NIBAN1: variants seen among roughly 807,000 people sequenced by gnomAD.
NIBAN1 encodes niban apoptosis regulator 1.
Under a neutral mutation model 75.1 loss-of-function variants are expected in NIBAN1, and 81 were observed. The observed-to-expected ratio is 1.08, with a 90% CI of 0.90 to 1.30. NIBAN1 has a LOEUF of 1.30. Among genes scored for constraint, NIBAN1 ranks in the 50% most tolerant of loss-of-function variants. The probability of loss-of-function intolerance (pLI) is 0.00; values close to 1 mark genes in which losing one functional copy is unlikely to be tolerated. For missense variants in NIBAN1, 1,133 were observed against 1,128.1 expected (o/e 1.00, Z -0.06); for synonymous variants, 436 against 424.8 (o/e 1.03, Z -0.32).
chr1:184,947,396 A>T lies in NIBAN1; in HGVS notation c.55+26906T>A, dbSNP rs187454221. Among the ~76,000 whole-genome samples, 250 of 152,290 alleles carry T rather than the reference A, an allele frequency of 1.6e-3. 1 individual carries two copies. The highest frequency in any genetic ancestry group is 3.7e-3 in the Admixed American group (57 of 15,304). ...GTTACCAGGGTCTGGGAGGAGAAGG[A>T]ATGGGGAGTTATTTAATGAGCACAA... On this transcript the variant is annotated intron_variant, in intron 1 of 13. Transcript: ENST00000367511.
At chr1:184,918,962 A>T (rs1017083253) in intron 1 of NIBAN1, among the ~76,000 whole-genome samples, 1 of 152,232 alleles carries the variant, frequency 6.6e-6, no homozygotes, top group African/African-American at 2.4e-5. Context: ...TTAATTTGCC[A>T]CACAAATGGA....
chr1:184,795,018 C>A lies in NIBAN1; in HGVS notation c.2746G>T (p.Gly916Cys). Residue 916 changes from glycine to cysteine, a missense_variant, in exon 14 of 14, where the codon GGT becomes TGT. By Grantham distance (159) the Gly-to-Cys change is radical. Coordinates refer to ENST00000367511, the MANE Select transcript of NIBAN1 (RefSeq NM_052966.4). ...AGCTCTGGGAAACTCTCCTGACCAC[C>A]TTCTCCCTCCTTCACGTCATCTTTG... ...SHKDDVKEGEGGQESFPELPS... is the reference protein window; with the variant it reads ...SHKDDVKEGECGQESFPELPS... 2 of 1,613,006 alleles carry A rather than the reference C, an allele frequency of 1.2e-6. No homozygotes were observed. The highest frequency in any genetic ancestry group is 1.7e-6 in the Non-Finnish European group (2 of 1,180,044).
intron 5 of NIBAN1, among the ~76,000 whole-genome samples, chr1:184,856,699 G>C (rs1023340972): frequency 1.3e-5 from 2 of 152,150 alleles, no homozygotes; most frequent in African/African-American, 4.8e-5. Flanking sequence ...AACAAGATTT[G>C]GTTCATGGGC....
At chr1:184,812,501 C>A (rs779054912) in intron 9 of NIBAN1, among the ~76,000 whole-genome samples, 14 of 152,206 alleles carry the variant, frequency 9.2e-5, no homozygotes, top group Non-Finnish European at 1.6e-4. Flanking sequence ...AGTCAGATTT[C>A]TGGCTTCTCT....
chr1:184,906,810 G>A (rs1453643685), intron 1 of NIBAN1, among the ~76,000 whole-genome samples: 1 of 152,094 alleles, frequency 6.6e-6, no homozygotes, highest in Non-Finnish European at 1.5e-5. Flanking sequence ...AAGGCTCTGG[G>A]TAAAACTTTT....
rs151253914 is a variant in NIBAN1, at chr1:184,795,104, C to T, written c.2660G>A (p.Arg887His). Reference sequence around the variant, plus strand: ...CACCACCCACTGACACTCATGAATACGGGCTACCTTGATCTCCTCTGCATT... The same window carrying T: ...CACCACCCACTGACACTCATGAATATGGGCTACCTTGATCTCCTCTGCATT... ...SVNAEEIKVARIHECQWVVED... is the reference protein window; with the variant it reads ...SVNAEEIKVAHIHECQWVVED... Residue 887 changes from arginine to histidine, a missense_variant, in exon 14 of 14, where the codon CGT becomes CAT. Coordinates refer to ENST00000367511, the MANE Select transcript of NIBAN1 (RefSeq NM_052966.4). The T allele has an allele frequency of 8.6e-4, 1,388 of 1,614,088 alleles. 13 individuals carry two copies. In the African/African-American group the frequency reaches 0.014, roughly 17 times the overall value.
At chr1:184,942,567 G>A (rs1480058866) in intron 1 of NIBAN1, among the ~76,000 whole-genome samples, 1 of 152,092 alleles carries the variant, frequency 6.6e-6, no homozygotes, top group East Asian at 1.9e-4. Flanking sequence ...GATGGCGGGC[G>A]CCTGTAGTCC....
Position 184,953,726 on chromosome 1 carries a change from T to G in NIBAN1, c.55+20576A>C, listed in dbSNP as rs530444294. On this transcript the variant is annotated intron_variant, in intron 1 of 13. Transcript: ENST00000367511. ...AGCTATAGTACGCCTCAGGAGTTTC[T>G]CGTGGAAGTGCCAAATAATGATACC... Among the ~76,000 whole-genome samples, 17 of 152,314 alleles carry G rather than the reference T, an allele frequency of 1.1e-4. No homozygotes were observed. In the South Asian group the frequency reaches 3.5e-3, roughly 32 times the overall value.
chr1:184,841,289 T>C (rs1049054660), intron 5 of NIBAN1, among the ~76,000 whole-genome samples: 4 of 152,158 alleles, frequency 2.6e-5, no homozygotes, highest in African/African-American at 9.7e-5. Flanking sequence ...CCCTGGGGTT[T>C]CATTTAGTTG....
At chr1:184,893,472 A>G (rs1656723762) in intron 3 of NIBAN1, among the ~76,000 whole-genome samples, 1 of 152,192 alleles carries the variant, frequency 6.6e-6, no homozygotes, top group Admixed American at 6.5e-5. Context: ...TCCACATTTT[A>G]CAGACAAGGA....
At chr1:184,823,116 C>G in intron 8 of NIBAN1, 51 bp downstream of exon 8, 3 of 1,587,002 alleles carry the variant, frequency 1.9e-6, no homozygotes, top group Non-Finnish European at 2.6e-6. Context: ...TGGTGGATCC[C>G]TGCATGTACA....
At chr1:184,918,184 C>T (rs1291714565) in intron 1 of NIBAN1, among the ~76,000 whole-genome samples, 1 of 152,214 alleles carries the variant, frequency 6.6e-6, no homozygotes, top group Non-Finnish European at 1.5e-5. Flanking sequence ...CCTTTTGGAT[C>T]TCCTCCTCTA....
intron 1 of NIBAN1, among the ~76,000 whole-genome samples, chr1:184,934,884 C>A (rs10797993): frequency 0.4 from 60,389 of 150,912 alleles, 13,784 homozygotes; most frequent in South Asian, 0.52. Flanking sequence ...GACAGAGAGA[C>A]TCCATCTCAA....
rs757273097 is a variant in NIBAN1, at chr1:184,818,757, C to A, written c.1054G>T (p.Glu352Ter). The A allele has an allele frequency of 1.1e-5, 18 of 1,612,788 alleles. No homozygotes were observed. In the South Asian group the frequency reaches 2.0e-4, roughly 18 times the overall value. The change falls in exon 9 of 14, where the codon GAG becomes TAG. Residue 352 changes from glutamate to a stop codon, truncating the protein, a stop_gained. Transcript: ENST00000367511. LOFTEE classifies it high-confidence loss of function. Reference sequence around the variant, plus strand: ...GAGCTCACTGGTCCCATGAGCTCCTCCAGGATGGATGCCAGGAATGGCTGC... The same window carrying A: ...GAGCTCACTGGTCCCATGAGCTCCTACAGGATGGATGCCAGGAATGGCTGC... ...SVQPFLASIL[E>*]ELMGPVSSGF...
At position 184,795,058 on chromosome 1, in the gene NIBAN1, A is replaced by C. The variant is rs1221345374; in HGVS notation, c.2706T>G (p.Asp902Glu). Reference protein sequence around the residue: ...QWVVEDAPNPDVLLSHKDDVK... With the variant: ...QWVVEDAPNPEVLLSHKDDVK... ...CGTCATCTTTGTGTGACAGCAGGAC[A>C]TCCGGGTTTGGAGCATCCTCCACCA... The change falls in exon 14 of 14, where the codon GAT (aspartate) becomes GAG (glutamate). Residue 902 changes from aspartate (D) to glutamate (E), a missense_variant. Asp to Glu is a conservative substitution (Grantham distance 45). Coordinates refer to ENST00000367511, the MANE Select transcript of NIBAN1 (RefSeq NM_052966.4). 6.2e-7 allele frequency: 1 copy of C among 1,613,992 alleles called. No individual in the cohort carries two copies. Among genetic ancestry groups the C allele is most frequent in the Non-Finnish European group, 8.5e-7 (1 of 1,180,030 alleles).
chr1:184,822,036 A>T (rs1180529438), intron 8 of NIBAN1, among the ~76,000 whole-genome samples: 1 of 152,188 alleles, frequency 6.6e-6, no homozygotes, highest in East Asian at 1.9e-4. Context: ...CCTCCTGAGC[A>T]CAGGAATAGG....
At chr1:184,877,325 G>A (rs575785086) in intron 5 of NIBAN1, among the ~76,000 whole-genome samples, 2 of 151,992 alleles carry the variant, frequency 1.3e-5, no homozygotes, top group African/African-American at 4.8e-5. Flanking sequence ...GTAAAGAAAA[G>A]CCAAACATAA....
chr1:184,965,410 A>G (rs1391460817), intron 1 of NIBAN1, among the ~76,000 whole-genome samples: 1 of 152,050 alleles, frequency 6.6e-6, no homozygotes, highest in East Asian at 1.9e-4. Context: ...CATTTTCTTT[A>G]TTGATGGGCA....
chr1:184,920,265 GAC>G (rs1451918121), intron 1 of NIBAN1, among the ~76,000 whole-genome samples: 1 of 152,098 alleles, frequency 6.6e-6, no homozygotes, highest in South Asian at 2.1e-4. Context: ...CATAATAATT[GAC>G]ACAATGGTTG....
Sources: gnomAD v4.1 joint callset for allele counts (sites outside exome capture counted in the v4.1 genomes callset) on GRCh38, gnomAD v4.1.1 for gene constraint, MANE v1.5 for transcripts, NCBI Gene and HGNC (gene_info 2026-07-23, HGNC 2026-07-21) for gene names.